ANK3: variants seen among roughly 807,000 people sequenced by gnomAD.
The protein encoded by ANK3 is ankyrin 3, also known as ankyrin-3.
A neutral mutation model predicts 370.9 loss-of-function variants in ANK3; 57 were observed. The ratio of observed to expected loss-of-function variants is 0.15; its 90% CI spans 0.12 to 0.19. The LOEUF is 0.19. ANK3 is among the 10% of genes least tolerant of loss of function. The probability of loss-of-function intolerance (pLI) is 1.00; values close to 1 mark genes in which losing one functional copy is unlikely to be tolerated. For synonymous variants in ANK3, 1,929 were observed against 1,946.3 expected (o/e 0.99, Z 0.23); for missense variants, 4,439 against 5,302.1 (o/e 0.84, Z 5.06).
chr10:60,376,190 T>C (rs2060751587), intron 1 of ANK3, among the ~76,000 whole-genome samples: 1 of 152,188 alleles, frequency 6.6e-6, no homozygotes, highest in Admixed American at 6.5e-5. Flanking sequence ...TCCAAAAATC[T>C]GTTTTCCTAT....
rs779132464 is a variant in ANK3 at position 60,138,973 on chromosome 10, C to T, written c.2729G>A (p.Arg910His). Reference sequence around the variant, plus strand: ...AGCAACAACGAAGTACCTGGCAGAACGCGCTCCGAGACTAAAGCCCATGTA... The same window carrying T: ...AGCAACAACGAAGTACCTGGCAGAATGCGCTCCGAGACTAAAGCCCATGTA... ...EGYMGFSLGARSASLRSFSSD... is the reference protein window; with the variant it reads ...EGYMGFSLGAHSASLRSFSSD... The change falls in exon 24 of 44, where the codon CGT becomes CAT. Residue 910 changes from arginine to histidine, a missense_variant. By Grantham distance (29) the Arg-to-His change is conservative (BLOSUM62 0). Around this residue, in one of 13 missense-constraint regions of ANK3, gnomAD observed 702 missense variants for 941.5 expected, o/e 0.75. Coordinates refer to ENST00000280772, the MANE Select transcript of ANK3 (RefSeq NM_020987.5). 6.2e-6 allele frequency: 10 copies of T among 1,613,728 alleles called. No homozygotes were observed. Among genetic ancestry groups the T allele is most frequent in the South Asian group, 2.2e-5 (2 of 91,058 alleles).
intron 4 of ANK3, among the ~76,000 whole-genome samples, chr10:60,275,454 G>T (rs183316465): frequency 6.6e-6 from 1 of 152,074 alleles, no homozygotes; most frequent in South Asian, 2.1e-4. Flanking sequence ...ACTCATTCTA[G>T]TTTTCTATGG....
At chr10:60,429,836 ATAT>A (rs1308577282) in intron 2 of ANK3, among the ~76,000 whole-genome samples, 1 of 152,314 alleles carries the variant, frequency 6.6e-6, no homozygotes, top group African/African-American at 2.4e-5. Context: ...TATTAACAGT[ATAT>A]ATTATTCAGT....
intron 28 of ANK3, among the ~76,000 whole-genome samples, chr10:60,095,090 T>A (rs1211588672): frequency 1.3e-5 from 2 of 152,272 alleles, no homozygotes; most frequent in Non-Finnish European, 2.9e-5. Flanking sequence ...TTGCTCGGCA[T>A]CATGAGTACC....
At chr10:60,706,786 C>T (rs989064078) in intron 1 of ANK3, among the ~76,000 whole-genome samples, 1 of 152,124 alleles carries the variant, frequency 6.6e-6, no homozygotes, top group African/African-American at 2.4e-5. Flanking sequence ...TTCCAGTAGA[C>T]AAATTGTTCA....
At position 60,359,291 on chromosome 10, in the gene ANK3, C is replaced by G. The variant is rs2058260627; in HGVS notation, c.114+30134G>C. ...CCTCACTCTCCCAATTTGATTGAGA[C>G]CCTGTGATGTCAGTGGCCTCAATAG... On this transcript the variant is annotated intron_variant, in intron 1 of 43. Coordinates refer to ENST00000280772, the MANE Select transcript of ANK3 (RefSeq NM_020987.5). 2.0e-5 allele frequency among the ~76,000 whole-genome samples: 3 copies of G among 152,154 alleles called. No individual in the cohort carries two copies. In the South Asian group the frequency reaches 6.2e-4, roughly 32 times the overall value.
chr10:60,648,278 G>A lies in ANK3; in HGVS notation c.58-33054C>T, dbSNP rs565861157. Reference sequence around the variant, plus strand: ...AGCAATTTTCCTACCTCAGCCTCCCGAGTAGCTGGGATTACAGGCATGAGC... The same window carrying A: ...AGCAATTTTCCTACCTCAGCCTCCCAAGTAGCTGGGATTACAGGCATGAGC... On this transcript the variant is annotated intron_variant, in intron 1 of 43. Transcript: ENST00000373827. 4.2e-4 allele frequency among the ~76,000 whole-genome samples: 62 copies of A among 146,576 alleles called. 1 individual carries two copies. Among genetic ancestry groups the A allele is most frequent in the Non-Finnish European group, 6.0e-5 (4 of 67,030 alleles).
At chr10:60,580,297 G>C (rs1194895509) in intron 2 of ANK3, among the ~76,000 whole-genome samples, 1 of 152,176 alleles carries the variant, frequency 6.6e-6, no homozygotes, top group Non-Finnish European at 1.5e-5. Context: ...ATCAAAGTGA[G>C]AAATGAATAA....
intron 16 of ANK3, among the ~76,000 whole-genome samples, 190 bp from the exon 17 acceptor site, chr10:60,187,102 G>C (rs1439347326): frequency 1.3e-5 from 2 of 151,606 alleles, no homozygotes; most frequent in Non-Finnish European, 2.9e-5. Flanking sequence ...GCATTCCTAA[G>C]TAGGGAAAAC....
rs114072313 is a variant in ANK3 at position 60,589,401 on chromosome 10, C to T, written c.96+25785G>A. On this transcript the variant is annotated intron_variant, in intron 2 of 43. Transcript: ENST00000373827. ...AAGTCTGATCCTAAAATCCAAATGC[C>T]TAGTAAATATTTATGCATCTTCTAT... Among the ~76,000 whole-genome samples, 687 of 152,224 alleles carry T rather than the reference C, an allele frequency of 4.5e-3. 7 individuals are homozygous for T. The highest frequency in any genetic ancestry group is 0.016 in the African/African-American group (648 of 41,532).
intron 2 of ANK3, among the ~76,000 whole-genome samples, chr10:60,499,095 T>G (rs1302466024): frequency 8.5e-5 from 13 of 152,198 alleles, no homozygotes; most frequent in African/African-American, 2.9e-4. Flanking sequence ...TCCAGGATGT[T>G]GCAGGGGAGA....
At chr10:60,635,847 T>C (rs565416155) in intron 1 of ANK3, among the ~76,000 whole-genome samples, 59 of 152,250 alleles carry the variant, frequency 3.9e-4, no homozygotes, top group Non-Finnish European at 5.1e-4. Context: ...CTTAAAATTA[T>C]GGCATAAGTA....
At chr10:60,552,079 C>T (rs921599768) in intron 2 of ANK3, among the ~76,000 whole-genome samples, 1 of 152,190 alleles carries the variant, frequency 6.6e-6, no homozygotes, top group Non-Finnish European at 1.5e-5. Context: ...CAAGCCTGCA[C>T]ACATGAGAGC....
chr10:60,456,567 C>T (rs1279337033), intron 2 of ANK3, among the ~76,000 whole-genome samples: 1 of 152,156 alleles, frequency 6.6e-6, no homozygotes, highest in African/African-American at 2.4e-5. Context: ...GAGACTGCAA[C>T]TGCCAATTGG....
intron 7 of ANK3, among the ~76,000 whole-genome samples, chr10:60,260,154 C>T (rs1019086730): frequency 6.6e-6 from 1 of 152,040 alleles, no homozygotes; most frequent in Non-Finnish European, 1.5e-5. Context: ...TTTAAGTTAC[C>T]TAGGGGAGAG....
chr10:60,726,929 A>G (rs910278167), intron 1 of ANK3, among the ~76,000 whole-genome samples: 4 of 152,168 alleles, frequency 2.6e-5, no homozygotes, highest in African/African-American at 9.6e-5. Context: ...ATCAATAGTT[A>G]CAATTGCATT....
At chr10:60,722,948 A>C (rs969231927) in intron 1 of ANK3, among the ~76,000 whole-genome samples, 1 of 152,194 alleles carries the variant, frequency 6.6e-6, no homozygotes, top group African/African-American at 2.4e-5. Context: ...CCAACTAATA[A>C]ACCTATTTTC....
intron 1 of ANK3, among the ~76,000 whole-genome samples, chr10:60,318,754 T>C (rs1566543428): frequency 3.3e-5 from 5 of 152,122 alleles, no homozygotes; most frequent in Admixed American, 3.3e-4. Context: ...CAAAACATTA[T>C]CTCTTTTTTT....
At chr10:60,089,648 TTTATC>T (rs1338567973) in intron 28 of ANK3, among the ~76,000 whole-genome samples, 1 of 152,136 alleles carries the variant, frequency 6.6e-6, no homozygotes. Context: ...TGACGGAGAA[TTTATC>T]TTATATGATA....
Sources: gnomAD v4.1 joint callset for allele counts (sites outside exome capture counted in the v4.1 genomes callset) on GRCh38, gnomAD v4.1.1 for gene constraint, gnomAD v4.1.1 regional missense constraint, MANE v1.5 for transcripts, NCBI Gene and HGNC (gene_info 2026-07-23, HGNC 2026-07-21) for gene names.